Variants in MCUB observed in about 807,000 individuals in gnomAD.
The protein encoded by MCUB is calcium uniporter regulatory subunit MCUb, mitochondrial.
In MCUB, 46 loss-of-function variants were observed where a neutral mutation model predicts 41.4. The observed-to-expected ratio is 1.11, with a 90% CI of 0.88 to 1.42. The LOEUF (loss-of-function observed/expected upper bound fraction) is 1.42. Ranked by LOEUF, MCUB falls within the 40% of genes most tolerant of loss-of-function variation. The pLI is 0.00. For synonymous variants in MCUB, 148 were observed against 148.2 expected (o/e 1.00, Z 0.01); for missense variants, 403 against 404.9 (o/e 1.00, Z 0.04).
chr4:109,643,977 G>A (rs1400171295), intron 1 of MCUB, among the ~76,000 whole-genome samples: 1 of 152,108 alleles, frequency 6.6e-6, no homozygotes, highest in African/African-American at 2.4e-5. Flanking sequence ...TGTTAAACAA[G>A]ATTTGGGGGA....
intron 1 of MCUB, among the ~76,000 whole-genome samples, chr4:109,562,222 T>G (rs1267179422): frequency 4.6e-5 from 7 of 152,168 alleles, no homozygotes; most frequent in Admixed American, 4.6e-4. Context: ...GGATACCCTT[T>G]TAAAAGAAAA....
chr4:109,638,817 T>G (rs188966100), intron 1 of MCUB, among the ~76,000 whole-genome samples: 1 of 152,332 alleles, frequency 6.6e-6, no homozygotes, highest in Admixed American at 6.5e-5. Flanking sequence ...CAAGAGTAGA[T>G]TCCATCTCAA....
chr4:109,686,042 G>A (rs1295092657), intron 7 of MCUB, among the ~76,000 whole-genome samples: 2 of 152,160 alleles, frequency 1.3e-5, no homozygotes, highest in Non-Finnish European at 1.5e-5. Flanking sequence ...TTAGTAGCTG[G>A]TAATCAAACC....
At chr4:109,598,810 T>C (rs1319683750) in intron 1 of MCUB, among the ~76,000 whole-genome samples, 1 of 152,206 alleles carries the variant, frequency 6.6e-6, no homozygotes, top group Non-Finnish European at 1.5e-5. Flanking sequence ...GTTCTTTCCA[T>C]AGTCAAATGG....
chr4:109,652,522 A>C (rs1363130600), intron 1 of MCUB, among the ~76,000 whole-genome samples: 1 of 152,204 alleles, frequency 6.6e-6, no homozygotes, highest in Non-Finnish European at 1.5e-5. Flanking sequence ...CAAGATTGAG[A>C]GGTCGCATCT....
intron 1 of MCUB, chr4:109,648,517 T>C (rs917975771): frequency 2.6e-6 from 1 of 383,232 alleles, no homozygotes; most frequent in Non-Finnish European, 5.0e-6. Context: ...TCTTGGGCTG[T>C]CCAGACCAGA....
intron 1 of MCUB, among the ~76,000 whole-genome samples, chr4:109,630,175 T>C: frequency 6.6e-6 from 1 of 152,188 alleles, no homozygotes; most frequent in East Asian, 1.9e-4. Context: ...TAAAAAAGAA[T>C]TCTTGTTGGG....
At chr4:109,659,829 C>T (rs11098039) in intron 2 of MCUB, among the ~76,000 whole-genome samples, 42,379 of 151,892 alleles carry the variant, frequency 0.28, 6,483 homozygotes, top group East Asian at 0.47. Flanking sequence ...ACTTAATTTT[C>T]GTATATTTTG....
At chr4:109,680,461 ATAGT>A (rs1224462992) in intron 4 of MCUB, among the ~76,000 whole-genome samples, 2 of 152,104 alleles carry the variant, frequency 1.3e-5, no homozygotes, top group African/African-American at 4.8e-5. Flanking sequence ...CCCTATTGCA[ATAGT>A]TATTAATAAA....
chr4:109,644,701 ACTTTGCAGTTTAT>A (rs1210074667), intron 1 of MCUB, among the ~76,000 whole-genome samples: 1 of 152,212 alleles, frequency 6.6e-6, no homozygotes, highest in African/African-American at 2.4e-5. Flanking sequence ...ATTGATGTAT[ACTTTGCAGTTTAT>A]TTTCTACGCA....
chr4:109,560,271 C>G lies in MCUB; in HGVS notation c.-67C>G. Reference sequence around the variant, plus strand: ...ACAGCTCGGAGCCACCAGGCGCTGACGAGGAGCCCGGCTGAGGGAGGATGC... The same window carrying G: ...ACAGCTCGGAGCCACCAGGCGCTGAGGAGGAGCCCGGCTGAGGGAGGATGC... On this transcript the variant is annotated 5_prime_UTR_variant, in exon 1 of 8. Coordinates refer to ENST00000394650, the MANE Select transcript of MCUB (RefSeq NM_017918.5). 1.2e-6 allele frequency: 1 copy of G among 809,502 alleles called. No homozygotes were observed. The highest frequency in any genetic ancestry group is 1.7e-6 in the Non-Finnish European group (1 of 602,558). 50.1% of individuals were successfully genotyped at this position (809,502 alleles called of 1,614,324 possible). A position where few individuals can be genotyped will look rare whatever the true frequency, so the allele number is the denominator to read the frequency against.
chr4:109,581,194 A>G (rs1258118119), intron 1 of MCUB, among the ~76,000 whole-genome samples: 2 of 152,178 alleles, frequency 1.3e-5, no homozygotes, highest in African/African-American at 4.8e-5. Context: ...ATATAGACCA[A>G]TGGAACAGAA....
At chr4:109,658,674 A>G (rs1228778505) in intron 1 of MCUB, among the ~76,000 whole-genome samples, 1 of 152,148 alleles carries the variant, frequency 6.6e-6, no homozygotes, top group African/African-American at 2.4e-5. Flanking sequence ...TCTAGACTAG[A>G]TATACTTATG....
chr4:109,633,488 C>T (rs1241730978), intron 1 of MCUB, among the ~76,000 whole-genome samples: 1 of 152,108 alleles, frequency 6.6e-6, no homozygotes, highest in Admixed American at 6.6e-5. Context: ...CCAGGATGGT[C>T]TCGATCTCCT....
intron 1 of MCUB, among the ~76,000 whole-genome samples, chr4:109,638,775 TATC>T (rs1376078446): frequency 6.6e-6 from 1 of 152,232 alleles, no homozygotes; most frequent in Non-Finnish European, 1.5e-5. Flanking sequence ...AATCCTTTGT[TATC>T]ATTTCAGTGA....
At chr4:109,608,533 G>C (rs1486194173) in intron 1 of MCUB, among the ~76,000 whole-genome samples, 1 of 152,090 alleles carries the variant, frequency 6.6e-6, no homozygotes, top group South Asian at 2.1e-4. Flanking sequence ...TGTTGCCCAG[G>C]CTGGAGTGCA....
At chr4:109,675,096 G>GA (rs773699000) in intron 4 of MCUB, among the ~76,000 whole-genome samples, 7 of 151,890 alleles carry the variant, frequency 4.6e-5, no homozygotes, top group East Asian at 1.9e-4. Flanking sequence ...ATGTCAAAAA[G>GA]AAAAAAAAGA....
chr4:109,641,744 T>A (rs1279116959), intron 1 of MCUB, among the ~76,000 whole-genome samples: 1 of 152,218 alleles, frequency 6.6e-6, no homozygotes, highest in Non-Finnish European at 1.5e-5. Flanking sequence ...ATTTCATTTG[T>A]CAGTTCTCTG....
chr4:109,669,401 C>T (rs59207576), intron 4 of MCUB, among the ~76,000 whole-genome samples: 41,315 of 151,736 alleles, frequency 0.27, 6,306 homozygotes, highest in East Asian at 0.47. Context: ...TTTTTCTCTG[C>T]TATAGCTAAG....
Sources: gnomAD v4.1 joint callset for allele counts (sites outside exome capture counted in the v4.1 genomes callset) on GRCh38, gnomAD v4.1.1 for gene constraint, MANE v1.5 for transcripts, NCBI Gene and HGNC (gene_info 2026-07-23, HGNC 2026-07-21) for gene names.